Variants in GXYLT2 observed in about 807,000 individuals in gnomAD.
GXYLT2 encodes glucoside xylosyltransferase 2, also known as glycosyltransferase 8 domain containing 4.
In GXYLT2, 53 loss-of-function variants were observed where a neutral mutation model predicts 45.8. The ratio of observed to expected loss-of-function variants is 1.16; its 90% confidence interval spans 0.93 to 1.46. The LOEUF is 1.46. GXYLT2 is among the 40% of genes most tolerant of loss of function. GXYLT2 has a pLI of 0.00. For missense variants in GXYLT2, 551 were observed against 544.4 expected, an observed-to-expected ratio of 1.01 and a Z score of -0.12; for synonymous variants, 219 against 214.2, an observed-to-expected ratio of 1.02 and a Z score of -0.19.
At chr3:72,923,290 C>CT (rs1293126406) in intron 3 of GXYLT2, among the ~76,000 whole-genome samples, 1 of 152,078 alleles carries the variant, frequency 6.6e-6, no homozygotes, top group African/African-American at 2.4e-5. Context: ...TGGCGCATGC[C>CT]TGTAGTCCCA....
intron 3 of GXYLT2, among the ~76,000 whole-genome samples, chr3:72,927,516 T>C (rs1453863087): frequency 6.6e-6 from 1 of 152,184 alleles, no homozygotes; most frequent in African/African-American, 2.4e-5. Context: ...AGGAAGCTTA[T>C]CATACTTTTT....
intron 5 of GXYLT2, among the ~76,000 whole-genome samples, chr3:72,964,226 T>G (rs1455298824): frequency 6.6e-6 from 1 of 152,004 alleles, no homozygotes; most frequent in Non-Finnish European, 1.5e-5. Context: ...GATTCCAGAG[T>G]CTTTGCCCTT....
intron 1 of GXYLT2, among the ~76,000 whole-genome samples, chr3:72,890,693 G>T (rs1307880278): frequency 6.6e-6 from 1 of 152,192 alleles, no homozygotes. Context: ...GCATCTTTTT[G>T]TGTCTATCTG....
Position 72,972,222 on chromosome 3 carries a change from C to G in GXYLT2, c.1150-2755C>G, listed in dbSNP as rs531573177. 1.4e-4 allele frequency among the ~76,000 whole-genome samples: 22 copies of G among 152,230 alleles called. No individual in the cohort carries two copies. The South Asian group carries it at 3.9e-3, about 27-fold the overall frequency. On this transcript the variant is annotated intron_variant, in intron 6 of 6. Coordinates refer to ENST00000389617, the MANE Select transcript of GXYLT2 (RefSeq NM_001080393.2). Reference sequence around the variant, plus strand: ...GTGCAGCCTCCCCACAAGAAGGCATCTATCATATAGACATTTTTGCAGTAA... The same window carrying G: ...GTGCAGCCTCCCCACAAGAAGGCATGTATCATATAGACATTTTTGCAGTAA...
chr3:72,888,443 C>T lies in GXYLT2; in HGVS notation c.210C>T (p.Arg70=), dbSNP rs1301504969. The T allele has an allele frequency of 4.2e-6, 5 of 1,188,914 alleles. No homozygotes were observed. The highest frequency in any genetic ancestry group is 1.0e-6 in the Non-Finnish European group (1 of 957,942). The allele number at this position is 1,188,914 out of a possible 1,614,324, so 73.6% of individuals were successfully genotyped here. Residue 70 remains arginine, a synonymous_variant, in exon 1 of 7, where the codon CGC becomes CGT. Transcript: ENST00000389617. ...LPGASPGVRR[R]RPPRPRPRAG... is the part of the protein sequence containing the mutation. ...GGGCCAGCCCGGGAGTTCGGAGGCGCCGGCCCCCGCGTCCGCGCCCCCGAG... is the reference window on the plus strand; with the variant it reads ...GGGCCAGCCCGGGAGTTCGGAGGCGTCGGCCCCCGCGTCCGCGCCCCCGAG...
chr3:72,963,503 T>C (rs1008534404), intron 5 of GXYLT2, among the ~76,000 whole-genome samples: 2 of 86,242 alleles, frequency 2.3e-5, no homozygotes, highest in African/African-American at 7.7e-5. Flanking sequence ...GTCCGGAGTT[T>C]TTTGTTTTTT....
chr3:72,937,926 C>T (rs946847009), intron 3 of GXYLT2, among the ~76,000 whole-genome samples: 6 of 152,014 alleles, frequency 3.9e-5, no homozygotes, highest in South Asian at 4.1e-4. Context: ...TTTATTTTTT[C>T]GCTTTTCTCA....
chr3:72,930,385 C>G (rs1575796548), intron 3 of GXYLT2, among the ~76,000 whole-genome samples: 5 of 151,566 alleles, frequency 3.3e-5, no homozygotes, highest in Admixed American at 6.6e-5. Context: ...GCCTATAGTC[C>G]CAGCTACTCA....
In GXYLT2 at chr3:72,901,892, G is replaced by C. The variant is rs188885671; in HGVS notation, c.276-6475G>C. ...ATCTACTTCCTGTCTCTGTGGCTTT[G>C]CCTATTTTGGACTTTTCATATATGT... On this transcript the variant is annotated intron_variant, in intron 1 of 6. Transcript: ENST00000389617. Among the ~76,000 whole-genome samples the C allele has an allele frequency of 4.2e-3, 637 of 152,110 alleles. 3 individuals carry two copies. Among genetic ancestry groups the C allele is most frequent in the Non-Finnish European group, 6.5e-3 (443 of 67,994 alleles).
chr3:72,903,239 G>C (rs1157814462), intron 1 of GXYLT2, among the ~76,000 whole-genome samples: 3 of 152,176 alleles, frequency 2.0e-5, no homozygotes, highest in Non-Finnish European at 4.4e-5. Context: ...TCTTACGCAA[G>C]ACCATTTCCA....
chr3:72,959,493 T>A (rs1376591853), intron 5 of GXYLT2, among the ~76,000 whole-genome samples: 1 of 152,134 alleles, frequency 6.6e-6, no homozygotes, highest in East Asian at 1.9e-4. Flanking sequence ...ACTCCTGGGC[T>A]CAAGCGATCT....
chr3:72,960,921 C>G (rs982908340), intron 5 of GXYLT2, among the ~76,000 whole-genome samples: 1 of 152,188 alleles, frequency 6.6e-6, no homozygotes, highest in Non-Finnish European at 1.5e-5. Flanking sequence ...TGAACCAATG[C>G]ACATAAAACC....
chr3:72,950,092 G>A (rs1710491334), intron 3 of GXYLT2, among the ~76,000 whole-genome samples: 1 of 145,496 alleles, frequency 6.9e-6, no homozygotes, highest in African/African-American at 2.6e-5. Flanking sequence ...GGAGGCCAAG[G>A]CAGGAGGATG....
intron 5 of GXYLT2, among the ~76,000 whole-genome samples, chr3:72,962,984 GAGC>G (rs1198767569): frequency 1.8e-4 from 27 of 151,552 alleles, no homozygotes; most frequent in Admixed American, 1.8e-3. Flanking sequence ...ACTATTAGCA[GAGC>G]AGTTGAACAG....
intron 2 of GXYLT2, among the ~76,000 whole-genome samples, chr3:72,920,931 C>T (rs1184735770): frequency 6.6e-6 from 1 of 151,702 alleles, no homozygotes; most frequent in Non-Finnish European, 1.5e-5. Context: ...AGTGATTCTC[C>T]TGCCTCAGCC....
At position 72,915,361 on chromosome 3, in the gene GXYLT2, G is replaced by T. The variant is rs369647085; in HGVS notation, c.468+6802G>T. Among the ~76,000 whole-genome samples the T allele has an allele frequency of 4.2e-3, 519 of 122,956 alleles. 29 individuals are homozygous for T. Among genetic ancestry groups the T allele is most frequent in the African/African-American group, 0.016 (484 of 31,178 alleles). The allele number at this position is 122,956 out of a possible 152,430, so 80.7% of individuals were successfully genotyped here. On this transcript the variant is annotated intron_variant, in intron 2 of 6. Coordinates refer to ENST00000389617, the MANE Select transcript of GXYLT2 (RefSeq NM_001080393.2). ...TCCTTTTTTTTTTTTTTTTGCGGGG[G>T]GGGGGGGGATTTAGGAAAAATAGCC...
chr3:72,933,176 C>T (rs1218566075), intron 3 of GXYLT2, among the ~76,000 whole-genome samples: 21 of 152,050 alleles, frequency 1.4e-4, no homozygotes, highest in Admixed American at 4.6e-4. Context: ...ATTCTCTTTC[C>T]GAAAAGGACT....
intron 1 of GXYLT2, among the ~76,000 whole-genome samples, chr3:72,895,601 A>C (rs1559724146): frequency 1.3e-5 from 2 of 152,240 alleles, no homozygotes; most frequent in African/African-American, 2.4e-5. Flanking sequence ...TAAAGAAAAA[A>C]AAGACAAAAT....
chr3:72,935,790 A>G (rs540305169), intron 3 of GXYLT2, among the ~76,000 whole-genome samples: 5 of 152,194 alleles, frequency 3.3e-5, no homozygotes, highest in Non-Finnish European at 4.4e-5. Flanking sequence ...GTCGCAAGAC[A>G]TTTTCAGATG....
Sources: gnomAD v4.1 joint callset for allele counts (sites outside exome capture counted in the v4.1 genomes callset) on GRCh38, gnomAD v4.1.1 for gene constraint, MANE v1.5 for transcripts, NCBI Gene and HGNC (gene_info 2026-07-23, HGNC 2026-07-21) for gene names.